BCAS3: variants seen among roughly 807,000 people sequenced by gnomAD.
BCAS3 encodes BCAS4/BCAS3 fusion.
A neutral mutation model predicts 116.1 loss-of-function variants in BCAS3; 53 were observed. That is an observed-to-expected ratio of 0.46 (90% confidence interval 0.37 to 0.57). The LOEUF is 0.57. Ranked by LOEUF, BCAS3 falls within the 20% of genes least tolerant of loss-of-function variation. BCAS3 has a pLI of 0.00. For missense variants in BCAS3, 917 were observed against 1,165.4 expected, an observed-to-expected ratio of 0.79 and a Z score of 3.10; for synonymous variants, 391 against 408.2, an observed-to-expected ratio of 0.96 and a Z score of 0.51.
At chr17:60,902,531 C>A in intron 10 of BCAS3, 89 bp from the exon 11 acceptor site, 1 of 1,061,024 alleles carries the variant, frequency 9.4e-7, no homozygotes. Flanking sequence ...CATCACTGTT[C>A]ACGGAAAATA....
At position 61,204,092 on chromosome 17, in the gene BCAS3, C is replaced by G. The variant is rs1568569559; in HGVS notation, c.2425+119528C>G. ...TCCTCGCTCTGGGAGGTTTGATACA[C>G]TCTTCATCCTCCTCAGCTCACCAGA... On this transcript the variant is annotated intron_variant, in intron 22 of 23. Transcript: ENST00000407086. This position sits in a 1 kb window ranked among gnomAD's most constrained non-coding sequence, Gnocchi z 4.2. Among the ~76,000 whole-genome samples, 1 of 152,212 alleles carries G rather than the reference C, an allele frequency of 6.6e-6. No homozygotes were observed. Among genetic ancestry groups the G allele is most frequent in the Non-Finnish European group, 1.5e-5 (1 of 68,038 alleles).
intron 14 of BCAS3, 107 bp downstream of exon 14, chr17:60,947,459 A>G (rs937943711): frequency 4.1e-5 from 51 of 1,250,664 alleles, no homozygotes; most frequent in Non-Finnish European, 5.3e-5. Context: ...TTGTGAGAAA[A>G]TATTGCTGTC....
intron 22 of BCAS3, among the ~76,000 whole-genome samples, chr17:61,133,612 C>G (rs1353304987): frequency 6.6e-6 from 1 of 152,102 alleles, no homozygotes; most frequent in African/African-American, 2.4e-5. Context: ...AATTCCCCCT[C>G]AAGTATTGAT....
intron 7 of BCAS3, among the ~76,000 whole-genome samples, chr17:60,814,537 A>G (rs933208509): frequency 2.0e-5 from 3 of 151,578 alleles, no homozygotes; most frequent in African/African-American, 7.3e-5. Flanking sequence ...CTTTTTTCCT[A>G]TTTGAATGCC....
intron 13 of BCAS3, among the ~76,000 whole-genome samples, chr17:60,944,786 CAAT>C (rs1364163909): frequency 2.0e-5 from 3 of 152,136 alleles, no homozygotes; most frequent in Non-Finnish European, 2.9e-5. Context: ...ATAATCATTT[CAAT>C]AGCTGCAGAA....
intron 13 of BCAS3, among the ~76,000 whole-genome samples, chr17:60,930,065 A>G (rs2059566702): frequency 6.6e-6 from 1 of 152,270 alleles, no homozygotes; most frequent in South Asian, 2.1e-4. Flanking sequence ...TGTAATTTCA[A>G]TAGGCCTTAA....
chr17:61,167,994 C>T (rs1223367684), intron 22 of BCAS3, among the ~76,000 whole-genome samples: 6 of 152,192 alleles, frequency 3.9e-5, no homozygotes, highest in Admixed American at 1.3e-4. Context: ...TACTTCTCTC[C>T]TCTTTGGTAT....
At chr17:60,879,373 T>C (rs1056159134) in intron 9 of BCAS3, among the ~76,000 whole-genome samples, 1 of 152,174 alleles carries the variant, frequency 6.6e-6, no homozygotes, top group African/African-American at 2.4e-5. Flanking sequence ...GAGACAGCTG[T>C]GTCCATCAGA....
chr17:60,929,584 T>C (rs2059535540), intron 13 of BCAS3, among the ~76,000 whole-genome samples: 1 of 152,108 alleles, frequency 6.6e-6, no homozygotes, highest in African/African-American at 2.4e-5. Flanking sequence ...TTATTATTAT[T>C]ATACATTAAG....
chr17:60,725,699 G>A (rs552560192), intron 5 of BCAS3, among the ~76,000 whole-genome samples: 9 of 152,252 alleles, frequency 5.9e-5, no homozygotes, highest in African/African-American at 2.2e-4. Flanking sequence ...CAGACTCCTC[G>A]AACAAAGAAT....
chr17:61,062,777 T>C (rs927807085), intron 19 of BCAS3, among the ~76,000 whole-genome samples: 1 of 152,252 alleles, frequency 6.6e-6, no homozygotes, highest in African/African-American at 2.4e-5. Flanking sequence ...AATTTAATTA[T>C]GTCAATGCTG....
intron 19 of BCAS3, among the ~76,000 whole-genome samples, chr17:61,058,700 T>C (rs1056588456): frequency 6.6e-6 from 1 of 152,204 alleles, no homozygotes; most frequent in Non-Finnish European, 1.5e-5. Flanking sequence ...GTTAAAGTAA[T>C]TTTTCCCCAT....
Position 61,049,755 on chromosome 17 carries a change from G to A in BCAS3, c.2029+8863G>A, listed in dbSNP as rs546033695. 4.2e-4 allele frequency among the ~76,000 whole-genome samples: 55 copies of A among 131,728 alleles called. 1 individual carries two copies. The highest frequency in any genetic ancestry group is 1.5e-3 in the African/African-American group (52 of 35,364). 86.4% of individuals were successfully genotyped at this position (131,728 alleles called of 152,430 possible). A position where few individuals can be genotyped will look rare whatever the true frequency, so the allele number is the denominator to read the frequency against. On this transcript the variant is annotated intron_variant, in intron 19 of 23. Coordinates refer to ENST00000407086, the MANE Select transcript of BCAS3 (RefSeq NM_017679.5). ...CTTTTTTTTTTTTTTTTTTTGAGAC[G>A]GAGTTTCACTCTTGTTGCCCAGGCT...
chr17:60,698,047 C>T (rs569706412), intron 4 of BCAS3, among the ~76,000 whole-genome samples: 53 of 151,860 alleles, frequency 3.5e-4, no homozygotes, highest in Admixed American at 2.5e-3. Context: ...GGCGTGGTGA[C>T]GGGCGCCTGT....
At position 61,156,054 on chromosome 17, in the gene BCAS3, C is replaced by T. The variant is rs1165824758; in HGVS notation, c.2425+71490C>T. ...TAAATGACTTTTCCCAACAAGCTCA[C>T]CAGGCATTCAAAGGAAGAAAAGCAT... On this transcript the variant is annotated intron_variant, in intron 22 of 23. Coordinates refer to ENST00000407086, the MANE Select transcript of BCAS3 (RefSeq NM_017679.5). The surrounding 1 kb of genome is among the most constrained non-coding windows in gnomAD (Gnocchi z 4.7). 6.6e-6 allele frequency among the ~76,000 whole-genome samples: 1 copy of T among 151,860 alleles called. No individual in the cohort carries two copies. The highest frequency in any genetic ancestry group is 1.5e-5 in the Non-Finnish European group (1 of 67,992).
intron 22 of BCAS3, among the ~76,000 whole-genome samples, chr17:61,264,938 A>T (rs1015929741): frequency 2.0e-5 from 3 of 152,260 alleles, no homozygotes; most frequent in Non-Finnish European, 4.4e-5. Flanking sequence ...AAGGGATATT[A>T]GAAGTATGAT....
At chr17:61,043,018 T>G (rs772021212) in intron 19 of BCAS3, among the ~76,000 whole-genome samples, 36 of 151,494 alleles carry the variant, frequency 2.4e-4, no homozygotes, top group Non-Finnish European at 4.7e-4. Flanking sequence ...AAATTAATGC[T>G]GTATTACAGA....
rs886500722 is a variant in BCAS3, at chr17:61,366,020, G to A, written c.2426-2307G>A. Among the ~76,000 whole-genome samples, 1 of 152,012 alleles carries A rather than the reference G, an allele frequency of 6.6e-6. No individual in the cohort carries two copies. Among genetic ancestry groups the A allele is most frequent in the African/African-American group, 2.4e-5 (1 of 41,376 alleles). ...TAGCCAGGCATGATGGCACATGCTTGTAGTCCCAGCTACTCGGGAGGCTGA... is the reference window on the plus strand; with the variant it reads ...TAGCCAGGCATGATGGCACATGCTTATAGTCCCAGCTACTCGGGAGGCTGA... On this transcript the variant is annotated intron_variant, in intron 22 of 23. Transcript: ENST00000407086. This position sits in a 1 kb window ranked among gnomAD's most constrained non-coding sequence, Gnocchi z 4.5.
At chr17:60,952,508 C>T (rs1412271475) in intron 14 of BCAS3, among the ~76,000 whole-genome samples, 3 of 151,764 alleles carry the variant, frequency 2.0e-5, no homozygotes, top group South Asian at 2.1e-4. Context: ...TTAGTAGAGA[C>T]GGGGTTTCAC....
Sources: allele counts gnomAD v4.1 joint callset (sites outside exome capture counted in the v4.1 genomes callset), GRCh38; gene constraint gnomAD v4.1.1; non-coding constraint Gnocchi (gnomAD v3.1); transcripts MANE v1.5; gene names NCBI Gene and HGNC (gene_info 2026-07-23, HGNC 2026-07-21).